The following ZNF385B variants were observed in gnomAD, a reference collection of about 807,000 sequenced individuals.
The protein encoded by ZNF385B is zinc finger protein 533.
A neutral mutation model predicts 39.2 loss-of-function variants in ZNF385B; 23 were observed. The ratio of observed to expected loss-of-function variants is 0.59; its 90% CI spans 0.42 to 0.83. The LOEUF is 0.83. ZNF385B is among the 40% of genes least tolerant of loss of function. The pLI is 0.00. For synonymous variants in ZNF385B, 205 were observed against 222.6 expected (o/e 0.92, Z 0.70); for missense variants, 552 against 598.9 (o/e 0.92, Z 0.82).
intron 4 of ZNF385B, among the ~76,000 whole-genome samples, chr2:179,544,292 T>C (rs564575887): frequency 1.4e-4 from 22 of 152,368 alleles, no homozygotes; most frequent in African/African-American, 4.3e-4. Context: ...ATCACTAGTA[T>C]GTAGATTTAA....
intron 4 of ZNF385B, among the ~76,000 whole-genome samples, chr2:179,523,340 C>A (rs1165398754): frequency 3.2e-5 from 4 of 126,450 alleles, no homozygotes; most frequent in Non-Finnish European, 6.4e-5. Flanking sequence ...GACTACAAAT[C>A]TGTGTGCGTT....
At chr2:179,572,733 T>C (rs1685372955) in intron 3 of ZNF385B, among the ~76,000 whole-genome samples, 1 of 152,100 alleles carries the variant, frequency 6.6e-6, no homozygotes, top group African/African-American at 2.4e-5. Context: ...TGAAAACCCC[T>C]CCAACTCAGG....
chr2:179,768,084 G>A (rs1466525682), intron 3 of ZNF385B, among the ~76,000 whole-genome samples: 1 of 151,582 alleles, frequency 6.6e-6, no homozygotes, highest in Non-Finnish European at 1.5e-5. Flanking sequence ...TGAGTAGCTG[G>A]GATTACAGGT....
intron 3 of ZNF385B, among the ~76,000 whole-genome samples, chr2:179,607,220 G>A (rs1322538294): frequency 6.6e-6 from 1 of 152,116 alleles, no homozygotes; most frequent in Non-Finnish European, 1.5e-5. Context: ...AGCAGGGTGA[G>A]TGATATGGTT....
chr2:179,698,590 A>G (rs1698942756), intron 3 of ZNF385B, among the ~76,000 whole-genome samples: 1 of 152,228 alleles, frequency 6.6e-6, no homozygotes, highest in African/African-American at 2.4e-5. Context: ...TGAATGTTAC[A>G]TATTTATAAC....
intron 3 of ZNF385B, among the ~76,000 whole-genome samples, chr2:179,582,563 C>A (rs1016614039): frequency 2.0e-5 from 3 of 152,086 alleles, no homozygotes; most frequent in African/African-American, 7.2e-5. Flanking sequence ...TCCTTTAGTT[C>A]TTGAGGAGAC....
intron 1 of ZNF385B, among the ~76,000 whole-genome samples, chr2:179,848,865 T>C (rs6749265): frequency 0.02 from 2,996 of 152,202 alleles, 76 homozygotes; most frequent in African/African-American, 0.068. Flanking sequence ...TCGGTCTCTT[T>C]CAGGTGTTGT....
At chr2:179,731,083 T>C (rs1234886447) in intron 3 of ZNF385B, among the ~76,000 whole-genome samples, 1 of 152,222 alleles carries the variant, frequency 6.6e-6, no homozygotes, top group African/African-American at 2.4e-5. Context: ...AAGCAAAATA[T>C]GTATACATTT....
intron 3 of ZNF385B, among the ~76,000 whole-genome samples, chr2:179,568,043 T>C (rs1358862372): frequency 6.6e-6 from 1 of 152,208 alleles, no homozygotes; most frequent in Admixed American, 6.5e-5. Flanking sequence ...TCAAACCCCT[T>C]GCTATGGCCT....
intron 6 of ZNF385B, among the ~76,000 whole-genome samples, chr2:179,463,544 C>T (rs530458770): frequency 1.8e-4 from 28 of 152,040 alleles, no homozygotes; most frequent in Non-Finnish European, 3.1e-4. Flanking sequence ...TGATGTTCCC[C>T]GCCCCATGTC....
intron 6 of ZNF385B, among the ~76,000 whole-genome samples, chr2:179,469,664 C>G (rs946478863): frequency 6.6e-6 from 1 of 152,018 alleles, no homozygotes; most frequent in Non-Finnish European, 1.5e-5. Context: ...GAGTTAGAGT[C>G]CCTCCTAATA....
chr2:179,727,541 C>A (rs1701100497), intron 3 of ZNF385B, among the ~76,000 whole-genome samples: 1 of 152,036 alleles, frequency 6.6e-6, no homozygotes, highest in African/African-American at 2.4e-5. Context: ...ACAACGTTTG[C>A]CACCTCAAAA....
At chr2:179,765,232 T>C (rs577514258) in intron 3 of ZNF385B, among the ~76,000 whole-genome samples, 41 of 152,346 alleles carry the variant, frequency 2.7e-4, no homozygotes, top group African/African-American at 9.4e-4. Flanking sequence ...CCAAGATTCA[T>C]TTTCATTTCC....
At chr2:179,702,678 C>T (rs541777811) in intron 3 of ZNF385B, among the ~76,000 whole-genome samples, 1 of 152,248 alleles carries the variant, frequency 6.6e-6, no homozygotes, top group South Asian at 2.1e-4. Context: ...AGTGACACCA[C>T]ATAAACAAAA....
At chr2:179,725,537 G>T (rs1431884250) in intron 3 of ZNF385B, among the ~76,000 whole-genome samples, 1 of 150,922 alleles carries the variant, frequency 6.6e-6, no homozygotes, top group South Asian at 2.1e-4. Flanking sequence ...ATTTTCTTTG[G>T]ATTCTATAAA....
At chr2:179,694,351 CTTT>C (rs61002544) in intron 3 of ZNF385B, among the ~76,000 whole-genome samples, 4 of 141,848 alleles carry the variant, frequency 2.8e-5, no homozygotes, top group Admixed American at 7.0e-5. Flanking sequence ...CTGCATTAAG[CTTT>C]TTTTTTTTTT....
chr2:179,469,229 G>C (rs2052463931), intron 6 of ZNF385B, among the ~76,000 whole-genome samples: 1 of 152,142 alleles, frequency 6.6e-6, no homozygotes, highest in Non-Finnish European at 1.5e-5. Flanking sequence ...GGCCACACTG[G>C]AAGAAGAAGA....
intron 1 of ZNF385B, among the ~76,000 whole-genome samples, chr2:179,815,353 G>A (rs60663343): frequency 0.013 from 1,974 of 152,226 alleles, 44 homozygotes; most frequent in African/African-American, 0.044. Flanking sequence ...CACTGAACTC[G>A]GAGATGTTCA....
intron 3 of ZNF385B, among the ~76,000 whole-genome samples, chr2:179,766,712 G>T (rs1703715622): frequency 6.6e-6 from 1 of 152,110 alleles, no homozygotes; most frequent in Admixed American, 6.5e-5. Flanking sequence ...AATTACCTCT[G>T]TAAAGACCCT....
Sources: gnomAD v4.1 joint callset for allele counts (sites outside exome capture counted in the v4.1 genomes callset) on GRCh38, gnomAD v4.1.1 for gene constraint, MANE v1.5 for transcripts, NCBI Gene and HGNC (gene_info 2026-07-23, HGNC 2026-07-21) for gene names.